MYO9A: variants seen among roughly 807,000 people sequenced by gnomAD.
MYO9A encodes myosin IXA.
Under a neutral mutation model 293.3 loss-of-function variants are expected in MYO9A, and 103 were observed. The ratio of observed to expected loss-of-function variants is 0.35; its 90% CI spans 0.30 to 0.41. MYO9A has a LOEUF of 0.41. MYO9A is among the 10% of genes least tolerant of loss of function. The probability of loss-of-function intolerance (pLI) is 1.00; values close to 1 mark genes in which losing one functional copy is unlikely to be tolerated. For missense variants in MYO9A, 2,685 were observed against 3,033.0 expected, an observed-to-expected ratio of 0.89 and a Z score of 2.69; for synonymous variants, 1,001 against 1,035.7, an observed-to-expected ratio of 0.97 and a Z score of 0.64.
At chr15:71,907,660 A>G (rs1382346662) in intron 19 of MYO9A, among the ~76,000 whole-genome samples, 2 of 149,378 alleles carry the variant, frequency 1.3e-5, no homozygotes, top group African/African-American at 2.4e-5. Context: ...ATGATATCTC[A>G]TTGTGGTTTT....
chr15:71,862,460 C>CT (rs1420355413), intron 33 of MYO9A, 40 bp downstream of exon 33: 2 of 1,436,376 alleles, frequency 1.4e-6, no homozygotes, highest in South Asian at 2.3e-5. Context: ...ACAGAAATGT[C>CT]AGTGGTTAAA....
chr15:72,089,439 G>C (rs563964060), intron 1 of MYO9A, among the ~76,000 whole-genome samples: 1 of 152,198 alleles, frequency 6.6e-6, no homozygotes, highest in African/African-American at 2.4e-5. Context: ...TAGGACTGCA[G>C]GCATCAGCCA....
chr15:72,003,478 CA>C (rs1355587391), intron 8 of MYO9A, among the ~76,000 whole-genome samples: 2 of 151,742 alleles, frequency 1.3e-5, no homozygotes, highest in Non-Finnish European at 2.9e-5. Flanking sequence ...GGGCAGATCA[CA>C]AGGTCAGGAG....
intron 15 of MYO9A, among the ~76,000 whole-genome samples, chr15:71,939,685 C>T (rs886515698): frequency 1.3e-5 from 2 of 152,084 alleles, no homozygotes; most frequent in Non-Finnish European, 2.9e-5. Context: ...AAATTGCTTC[C>T]TTAAGAATTA....
At chr15:72,060,403 A>G (rs563214789) in intron 1 of MYO9A, among the ~76,000 whole-genome samples, 1 of 152,096 alleles carries the variant, frequency 6.6e-6, no homozygotes, top group East Asian at 1.9e-4. Context: ...TAAAAAATAA[A>G]AATAAAAAAT....
chr15:71,973,486 A>G (rs1411602487), intron 12 of MYO9A, among the ~76,000 whole-genome samples: 2 of 152,156 alleles, frequency 1.3e-5, no homozygotes, highest in East Asian at 3.9e-4. Flanking sequence ...GCTCACTACT[A>G]AGCAATCTCA....
chr15:71,916,221 G>A (rs1374575163), intron 19 of MYO9A, 149 bp downstream of exon 19: 1 of 869,780 alleles, frequency 1.1e-6, no homozygotes, highest in Non-Finnish European at 1.6e-6. Context: ...TTCATCTTTG[G>A]TTCTTTTTTC....
At chr15:72,075,204 G>A (rs1411210684) in intron 1 of MYO9A, among the ~76,000 whole-genome samples, 1 of 151,750 alleles carries the variant, frequency 6.6e-6, no homozygotes, top group Non-Finnish European at 1.5e-5. Flanking sequence ...GACCTCAAGT[G>A]ATCCACCCGC....
rs531697899 is a variant in MYO9A, at chr15:71,925,849, G to C, written c.2562+7821C>G. On this transcript the variant is annotated intron_variant, in intron 18 of 41. Coordinates refer to ENST00000356056, the MANE Select transcript of MYO9A (RefSeq NM_006901.4). ...TTAATAATATATTCTGAGTTTGAAA[G>C]TGAAATTACCTCTAACAGTTCTAAA... 3.3e-5 allele frequency among the ~76,000 whole-genome samples: 5 copies of C among 152,298 alleles called. No individual in the cohort carries two copies. The East Asian group carries it at 9.6e-4, about 29-fold the overall frequency.
chr15:71,854,366 C>A lies in MYO9A; in HGVS notation c.6346+11G>T. The stretch of plus-strand genomic sequence containing the variant: ...AAGTATTTCATTATGATTTAGAGGG[C>A]ACTATCTTACCTGTATCTAGACCCT... On this transcript the variant is annotated intron_variant, in intron 35 of 41. Coordinates refer to ENST00000356056, the MANE Select transcript of MYO9A (RefSeq NM_006901.4). The A allele has an allele frequency of 6.8e-7, 1 of 1,469,452 alleles. No individual in the cohort carries two copies. The highest frequency in any genetic ancestry group is 1.4e-5 in the African/African-American group (1 of 69,420). The allele number at this position is 1,469,452 out of a possible 1,614,324, so 91.0% of individuals were successfully genotyped here. A position where few individuals can be genotyped will look rare whatever the true frequency, so the allele number is the denominator to read the frequency against.
At chr15:71,879,166 A>C (rs576843633) in intron 30 of MYO9A, among the ~76,000 whole-genome samples, 73 of 152,222 alleles carry the variant, frequency 4.8e-4, no homozygotes, top group Non-Finnish European at 8.8e-4. Flanking sequence ...AGAATATGAT[A>C]ATTCATAAAC....
chr15:71,998,565 C>CTTTTT (rs11443228), intron 9 of MYO9A, among the ~76,000 whole-genome samples: 3 of 140,078 alleles, frequency 2.1e-5, no homozygotes, highest in Non-Finnish European at 3.1e-5. Context: ...TTTTTTTTGT[C>CTTTTT]TTTTTTTTTC....
rs565397467 is a variant in MYO9A at position 71,850,983 on chromosome 15, C to CTGTT, written c.6581+266_6581+269dup. On this transcript the variant is annotated intron_variant, in intron 37 of 41. Transcript: ENST00000356056. ...AGATTATATATCCTTTCTAGTTCAG[C>CTGTT]TGTTAGAAAACAGGCTAAACTACAC... Among the ~76,000 whole-genome samples the CTGTT allele has an allele frequency of 8.4e-4, 128 of 152,074 alleles. No individual in the cohort carries two copies. In the South Asian group the frequency reaches 0.024, roughly 28 times the overall value.
At position 71,956,860 on chromosome 15, in the gene MYO9A, A is replaced by AATAT. The variant is rs10553052; in HGVS notation, c.2182+3037_2182+3040dup. 1.8e-3 allele frequency among the ~76,000 whole-genome samples: 248 copies of AATAT among 140,324 alleles called. 3 individuals are homozygous for AATAT. The highest frequency in any genetic ancestry group is 4.5e-3 in the African/African-American group (169 of 37,324). 92.1% of individuals were successfully genotyped at this position (140,324 alleles called of 152,430 possible). A position where few individuals can be genotyped will look rare whatever the true frequency, so the allele number is the denominator to read the frequency against. On this transcript the variant is annotated intron_variant, in intron 14 of 41. Transcript: ENST00000356056. Reference sequence around the variant, plus strand: ...ATACACACACACACACACACACACAAATATATATATATATATATATATATC... The same window carrying AATAT: ...ATACACACACACACACACACACACAAATATATATATATATATATATATATATATC...
chr15:72,025,492 C>A (rs769503802), intron 4 of MYO9A, among the ~76,000 whole-genome samples: 2 of 152,154 alleles, frequency 1.3e-5, no homozygotes, highest in African/African-American at 4.8e-5. Flanking sequence ...TCCCAAGTAG[C>A]TGGAAATACA....
At chr15:71,859,416 T>A (rs577509497) in intron 34 of MYO9A, among the ~76,000 whole-genome samples, 5 of 152,338 alleles carry the variant, frequency 3.3e-5, no homozygotes, top group African/African-American at 1.2e-4. Flanking sequence ...TAAGGATAAT[T>A]CCTAGAAGAT....
chr15:72,103,226 AAGCAGCAGCAGAAGC>A (rs1166562648), intron 1 of MYO9A, among the ~76,000 whole-genome samples: 13 of 150,904 alleles, frequency 8.6e-5, no homozygotes, highest in East Asian at 4.0e-4. Context: ...GCAGAAGCAG[AAGCAGCAGCAGAAGC>A]AGCAGCAGCA....
chr15:71,879,229 T>C (rs150036046), intron 30 of MYO9A, among the ~76,000 whole-genome samples: 1 of 152,312 alleles, frequency 6.6e-6, no homozygotes, highest in African/African-American at 2.4e-5. Flanking sequence ...AAATAAATTT[T>C]CTAAAACATG....
rs1325850517 is a variant in MYO9A at position 71,916,373 on chromosome 15, A to C, written c.2682T>G (p.Phe894Leu). ...TTTAAGCGAAACAAGAAATAACCTG[A>C]AACTGGGCACTGATGCTGGGAGGTT... ...KKKPPSISAQFQASLSKLMET... is the reference protein window; with the variant it reads ...KKKPPSISAQLQASLSKLMET... Residue 894 changes from phenylalanine to leucine, a missense_variant, in exon 19 of 42, where the codon TTT (phenylalanine) becomes TTG (leucine). This residue lies in a region of MYO9A where 1,434 missense variants were observed against 1,497.7 expected (regional missense o/e 0.96). Coordinates refer to ENST00000356056, the MANE Select transcript of MYO9A (RefSeq NM_006901.4). 1 of 1,609,010 alleles carries C rather than the reference A, an allele frequency of 6.2e-7. No individual in the cohort carries two copies. The highest frequency in any genetic ancestry group is 2.2e-5 in the East Asian group (1 of 44,804).
Sources: gnomAD v4.1 joint callset for allele counts (sites outside exome capture counted in the v4.1 genomes callset) on GRCh38, gnomAD v4.1.1 for gene constraint, gnomAD v4.1.1 regional missense constraint, MANE v1.5 for transcripts, NCBI Gene and HGNC (gene_info 2026-07-23, HGNC 2026-07-21) for gene names.